Variants in ASTN2 observed in about 807,000 individuals in gnomAD.
The protein encoded by ASTN2 is astrotactin-2.
A neutral mutation model predicts 139.8 loss-of-function variants in ASTN2; 54 were observed. That is an observed-to-expected ratio of 0.39 (90% confidence interval 0.31 to 0.48). The LOEUF (loss-of-function observed/expected upper bound fraction) is 0.48, where lower values mean the gene tolerates loss of function less well. Among genes scored for constraint, ASTN2 ranks in the 20% least tolerant of loss-of-function variants. The pLI, the probability that ASTN2 is intolerant of heterozygous loss-of-function variation, is 0.95. For missense variants in ASTN2, 1,565 were observed against 1,725.1 expected (o/e 0.91, Z 1.64); for synonymous variants, 756 against 719.5 (o/e 1.05, Z -0.81).
intron 10 of ASTN2, among the ~76,000 whole-genome samples, chr9:116,954,801 G>A (rs1389428897): frequency 6.6e-6 from 1 of 152,124 alleles, no homozygotes; most frequent in Non-Finnish European, 1.5e-5. Context: ...TAATGCAATG[G>A]CTCTCAAAGT....
chr9:117,096,077 T>C lies in ASTN2; in HGVS notation c.1243A>G (p.Thr415Ala), dbSNP rs1361061848. ...ADDETQLTFY[T>A]EQYRSRRRSK... is the part of the protein sequence containing the mutation. ...CGGCGGCGACTGCGGTACTGCTCCG[T>C]GTAGAATGTCAGCTGAGTTTCATCG... The change falls in exon 5 of 23, where the codon ACG becomes GCG. Residue 415 changes from threonine (T) to alanine (A), a missense_variant. By Grantham distance (58) the Thr-to-Ala change is moderately conservative. Coordinates refer to ENST00000313400, the MANE Select transcript of ASTN2 (RefSeq NM_001365068.1). The C allele has an allele frequency of 9.9e-6, 16 of 1,613,966 alleles. No homozygotes were observed. Among genetic ancestry groups the C allele is most frequent in the Non-Finnish European group, 1.3e-5 (15 of 1,179,990 alleles).
intron 7 of ASTN2, among the ~76,000 whole-genome samples, chr9:116,998,634 G>C (rs1270780925): frequency 6.6e-6 from 1 of 151,420 alleles, no homozygotes; most frequent in Non-Finnish European, 1.5e-5. Flanking sequence ...TACAGGAACT[G>C]TTTCATTTCC....
chr9:116,670,074 G>A (rs934736550), intron 16 of ASTN2, among the ~76,000 whole-genome samples: 1 of 152,092 alleles, frequency 6.6e-6, no homozygotes, highest in South Asian at 2.1e-4. Flanking sequence ...CAAAGTGTTG[G>A]GATTACAGGC....
chr9:116,587,453 A>G (rs774317266), intron 19 of ASTN2, among the ~76,000 whole-genome samples: 18 of 151,852 alleles, frequency 1.2e-4, no homozygotes, highest in Non-Finnish European at 2.4e-4. Context: ...GGATCTTGGT[A>G]TGGACTCAGG....
intron 1 of ASTN2, among the ~76,000 whole-genome samples, chr9:117,382,187 G>C (rs1830291515): frequency 6.6e-6 from 1 of 152,154 alleles, no homozygotes; most frequent in South Asian, 2.1e-4. Context: ...AGGGTGCCCA[G>C]TTGTAGGAGT....
chr9:117,133,679 T>C (rs1829877142), intron 4 of ASTN2, among the ~76,000 whole-genome samples: 1 of 152,170 alleles, frequency 6.6e-6, no homozygotes, highest in South Asian at 2.1e-4. Context: ...TAAAAGATAG[T>C]AAATGACAAA....
At chr9:116,521,455 G>A (rs2119234764) in intron 19 of ASTN2, among the ~76,000 whole-genome samples, 1 of 152,250 alleles carries the variant, frequency 6.6e-6, no homozygotes, top group Non-Finnish European at 1.5e-5. Context: ...GTAGGAGGAT[G>A]AAACTAGATC....
At chr9:116,565,039 T>C (rs1300914288) in intron 19 of ASTN2, among the ~76,000 whole-genome samples, 1 of 152,070 alleles carries the variant, frequency 6.6e-6, no homozygotes, top group Non-Finnish European at 1.5e-5. Flanking sequence ...CAATAATTCC[T>C]TGAGTTTAAG....
At chr9:116,969,559 C>T (rs952571671) in intron 10 of ASTN2, among the ~76,000 whole-genome samples, 1 of 152,078 alleles carries the variant, frequency 6.6e-6, no homozygotes, top group African/African-American at 2.4e-5. Flanking sequence ...AACAGAAAAA[C>T]AGAGTGCACC....
Position 116,933,979 on chromosome 9 carries a change from C to CTTTTTTTTTTTTTTTTTTTTTTTTT in ASTN2, c.1889+41228_1889+41229insAAAAAAAAAAAAAAAAAAAAAAAAA, listed in dbSNP as rs148724828. Among the ~76,000 whole-genome samples the CTTTTTTTTTTTTTTTTTTTTTTTTT allele has an allele frequency of 2.2e-3, 194 of 86,844 alleles. 28 individuals carry two copies. The highest frequency in any genetic ancestry group is 5.8e-3 in the Admixed American group (41 of 7,032). The allele number at this position is 86,844 out of a possible 152,430, so 57.0% of individuals were successfully genotyped here. ...ACCTCAGTTGTGCGAAGTGTTAGTCCTTTTTTTTTTTTTTTTTTTTTTTCT... is the reference window on the plus strand; with the variant it reads ...ACCTCAGTTGTGCGAAGTGTTAGTCCTTTTTTTTTTTTTTTTTTTTTTTTTTTTTTTTTTTTTTTTTTTTTTTTCT... On this transcript the variant is annotated intron_variant, in intron 10 of 22. Transcript: ENST00000313400.
At chr9:116,487,317 T>C in intron 20 of ASTN2, 42 bp downstream of exon 20, 1 of 1,606,344 alleles carries the variant, frequency 6.2e-7, no homozygotes, top group Non-Finnish European at 8.5e-7. Context: ...CTTAAAATCA[T>C]CCTGTCTGCC....
intron 10 of ASTN2, among the ~76,000 whole-genome samples, chr9:116,961,576 T>A (rs972647131): frequency 1.3e-5 from 2 of 152,318 alleles, no homozygotes; most frequent in South Asian, 2.1e-4. Flanking sequence ...CTGAATAATA[T>A]TCCATTAGAT....
At chr9:116,687,623 G>T (rs1164407621) in intron 16 of ASTN2, among the ~76,000 whole-genome samples, 1 of 151,570 alleles carries the variant, frequency 6.6e-6, no homozygotes, top group Non-Finnish European at 1.5e-5. Context: ...GGAGCGAGGG[G>T]CTCTGAAGAG....
chr9:117,127,838 G>A (rs1407566713), intron 4 of ASTN2, among the ~76,000 whole-genome samples: 4 of 151,730 alleles, frequency 2.6e-5, no homozygotes, highest in East Asian at 3.9e-4. Flanking sequence ...CCGCCACCAC[G>A]CCCACCTAAT....
chr9:116,977,350 C>T (rs1306913720), intron 7 of ASTN2, among the ~76,000 whole-genome samples: 1 of 151,914 alleles, frequency 6.6e-6, no homozygotes, highest in African/African-American at 2.4e-5. Context: ...TCCTCTCCTC[C>T]CCTTCCTTCT....
chr9:116,708,571 C>T (rs1828056497), intron 16 of ASTN2, among the ~76,000 whole-genome samples: 2 of 152,108 alleles, frequency 1.3e-5, no homozygotes, highest in South Asian at 4.1e-4. Flanking sequence ...CAAGAAGGTT[C>T]ATTTGGCACA....
At chr9:117,074,809 A>G (rs1307319516) in intron 5 of ASTN2, among the ~76,000 whole-genome samples, 1 of 152,230 alleles carries the variant, frequency 6.6e-6, no homozygotes, top group Admixed American at 6.5e-5. Context: ...ATGCATGTGT[A>G]TATTTATGTA....
intron 5 of ASTN2, among the ~76,000 whole-genome samples, chr9:117,061,429 T>A (rs1839288556): frequency 6.6e-6 from 1 of 152,184 alleles, no homozygotes; most frequent in Non-Finnish European, 1.5e-5. Flanking sequence ...TGGAAAGATA[T>A]GCCTTCAAAA....
chr9:117,362,616 T>C (rs181255833), intron 1 of ASTN2, among the ~76,000 whole-genome samples: 3 of 152,264 alleles, frequency 2.0e-5, no homozygotes, highest in Admixed American at 6.5e-5. Context: ...TCCTTCAGGA[T>C]GGCAAGAGCT....
Sources: allele counts gnomAD v4.1 joint callset (sites outside exome capture counted in the v4.1 genomes callset), GRCh38; gene constraint gnomAD v4.1.1; transcripts MANE v1.5; gene names NCBI Gene and HGNC (gene_info 2026-07-23, HGNC 2026-07-21).